Variants in PRKCE observed in about 807,000 individuals in gnomAD.
PRKCE encodes the protein protein kinase C epsilon.
A neutral mutation model predicts 85.4 loss-of-function variants in PRKCE; 16 were observed. That is an observed-to-expected ratio of 0.19 (90% CI 0.13 to 0.28). The LOEUF (loss-of-function observed/expected upper bound fraction) is 0.28. Among genes scored for constraint, PRKCE ranks in the 10% least tolerant of loss-of-function variants. PRKCE has a pLI of 1.00. For synonymous variants in PRKCE, 388 were observed against 371.5 expected (o/e 1.04, Z -0.51); for missense variants, 573 against 975.2 (o/e 0.59, Z 5.49).
chr2:45,744,694 C>T (rs1275292606), intron 1 of PRKCE, among the ~76,000 whole-genome samples: 6 of 151,708 alleles, frequency 4.0e-5, no homozygotes, highest in African/African-American at 1.5e-4. Context: ...CTGCAACCTC[C>T]GTCTCCAGAG....
intron 6 of PRKCE, among the ~76,000 whole-genome samples, chr2:45,995,889 C>T (rs1044879636): frequency 5.9e-5 from 9 of 152,080 alleles, no homozygotes; most frequent in Admixed American, 2.0e-4. Context: ...ATGAGTTTGT[C>T]GATATCCATA....
At chr2:45,872,936 C>A (rs1427252874) in intron 2 of PRKCE, among the ~76,000 whole-genome samples, 1 of 152,132 alleles carries the variant, frequency 6.6e-6, no homozygotes, top group East Asian at 1.9e-4. Context: ...GAGCATGACA[C>A]CTGGGAGCTG....
intron 1 of PRKCE, among the ~76,000 whole-genome samples, chr2:45,834,583 C>CCTGTGTGT (rs1558729719): frequency 6.7e-6 from 1 of 149,348 alleles, no homozygotes; most frequent in African/African-American, 2.5e-5. Flanking sequence ...CACGTGTGCG[C>CCTGTGTGT]ATGTGTGTAT....
chr2:45,654,623 A>G (rs1675295422), intron 1 of PRKCE, among the ~76,000 whole-genome samples: 1 of 152,224 alleles, frequency 6.6e-6, no homozygotes, highest in African/African-American at 2.4e-5. Context: ...TGTACTTGAT[A>G]ACTTCATCTC....
At chr2:45,665,259 C>T (rs1675858098) in intron 1 of PRKCE, among the ~76,000 whole-genome samples, 1 of 152,124 alleles carries the variant, frequency 6.6e-6, no homozygotes, top group Non-Finnish European at 1.5e-5. Context: ...CATAGAAATC[C>T]TTTTCTTCCT....
chr2:45,985,808 C>G (rs886848728), intron 6 of PRKCE, among the ~76,000 whole-genome samples: 2 of 152,202 alleles, frequency 1.3e-5, no homozygotes, highest in Non-Finnish European at 2.9e-5. Context: ...GGAGCCTGAG[C>G]TGGGGACACC....
intron 11 of PRKCE, among the ~76,000 whole-genome samples, chr2:46,131,412 C>T (rs1674437336): frequency 6.6e-6 from 1 of 152,186 alleles, no homozygotes; most frequent in Non-Finnish European, 1.5e-5. Flanking sequence ...TAAGGGTCCA[C>T]CTTAGCTCAA....
At chr2:45,778,547 C>A (rs1290060618) in intron 1 of PRKCE, among the ~76,000 whole-genome samples, 1 of 152,088 alleles carries the variant, frequency 6.6e-6, no homozygotes, top group Non-Finnish European at 1.5e-5. Flanking sequence ...AGCGTCCCTA[C>A]CCCACACACA....
At chr2:45,746,314 A>T (rs1683132767) in intron 1 of PRKCE, among the ~76,000 whole-genome samples, 1 of 152,190 alleles carries the variant, frequency 6.6e-6, no homozygotes, top group Non-Finnish European at 1.5e-5. Context: ...TAGGCTTCTC[A>T]CACCTCAGAT....
intron 1 of PRKCE, among the ~76,000 whole-genome samples, chr2:45,700,023 G>T (rs1678490546): frequency 6.6e-6 from 1 of 152,060 alleles, no homozygotes. Context: ...GGGAGGCAGT[G>T]GCCAGGCCCA....
At chr2:45,822,351 C>T (rs1022385341) in intron 1 of PRKCE, among the ~76,000 whole-genome samples, 3 of 152,182 alleles carry the variant, frequency 2.0e-5, no homozygotes, top group African/African-American at 4.8e-5. Context: ...GCTGTGGGCT[C>T]TTGGGAGAAA....
intron 2 of PRKCE, among the ~76,000 whole-genome samples, chr2:45,911,885 G>A (rs1697405900): frequency 6.6e-6 from 1 of 152,136 alleles, no homozygotes; most frequent in Admixed American, 6.5e-5. Context: ...GCGATAGTGT[G>A]TGTCCTGGTC....
chr2:45,888,654 G>T (rs1695482974), intron 2 of PRKCE, among the ~76,000 whole-genome samples: 1 of 152,018 alleles, frequency 6.6e-6, no homozygotes, highest in South Asian at 2.1e-4. Context: ...GTTTCACCAT[G>T]TTGGCCAGGC....
chr2:45,786,158 G>T lies in PRKCE; in HGVS notation c.349-56842G>T, dbSNP rs1686589119. Among the ~76,000 whole-genome samples, 2 of 152,118 alleles carry T rather than the reference G, an allele frequency of 1.3e-5. No individual in the cohort carries two copies. Among genetic ancestry groups the T allele is most frequent in the Admixed American group, 1.3e-4 (2 of 15,276 alleles). On this transcript the variant is annotated intron_variant, in intron 1 of 14. Coordinates refer to ENST00000306156, the MANE Select transcript of PRKCE (RefSeq NM_005400.3). This position sits in a 1 kb window ranked among gnomAD's most constrained non-coding sequence, Gnocchi z 5.3. ...AATGAGCAATGTATTATTAGCAAGG[G>T]GCATTGATTGCAGTCTGCCAGTGAC...
intron 1 of PRKCE, among the ~76,000 whole-genome samples, chr2:45,784,760 AC>A (rs1215856569): frequency 2.0e-5 from 3 of 152,224 alleles, no homozygotes. Context: ...AAATTCAAAA[AC>A]AGAAAAAAAT....
intron 1 of PRKCE, among the ~76,000 whole-genome samples, chr2:45,716,618 A>G (rs778925907): frequency 2.0e-5 from 3 of 147,298 alleles, no homozygotes; most frequent in African/African-American, 7.6e-5. Context: ...GAAGAAGAAG[A>G]AGAAGGAGAA....
intron 10 of PRKCE, among the ~76,000 whole-genome samples, chr2:46,031,460 T>C (rs1235886317): frequency 3.3e-5 from 5 of 152,202 alleles, no homozygotes; most frequent in Non-Finnish European, 7.3e-5. Context: ...TTAATTTTCC[T>C]TCTTTCTTGG....
At chr2:45,934,034 C>T (rs925950261) in intron 2 of PRKCE, among the ~76,000 whole-genome samples, 4 of 152,088 alleles carry the variant, frequency 2.6e-5, no homozygotes, top group African/African-American at 9.7e-5. Context: ...CAGAGATTTC[C>T]ACCAAAGTTC....
At chr2:46,016,690 C>T (rs961206233) in intron 10 of PRKCE, among the ~76,000 whole-genome samples, 2 of 152,090 alleles carry the variant, frequency 1.3e-5, no homozygotes, top group African/African-American at 2.4e-5. Context: ...AGGTGGATCA[C>T]CTGAGGTCAG....
Sources: gnomAD v4.1 joint callset for allele counts (sites outside exome capture counted in the v4.1 genomes callset) on GRCh38, gnomAD v4.1.1 for gene constraint, Gnocchi (gnomAD v3.1) non-coding constraint, MANE v1.5 for transcripts, NCBI Gene and HGNC (gene_info 2026-07-23, HGNC 2026-07-21) for gene names.